The following PRKDC variants were observed in gnomAD, a reference collection of about 807,000 sequenced individuals.
The protein encoded by PRKDC is DNA-dependent protein kinase catalytic subunit.
PRKDC carries 82 observed loss-of-function variants against 486.9 expected under a neutral mutation model. The observed-to-expected ratio is 0.17, with a 90% CI of 0.14 to 0.20. The LOEUF (loss-of-function observed/expected upper bound fraction) is 0.20. PRKDC is among the 10% of genes least tolerant of loss of function. The probability of loss-of-function intolerance (pLI) is 1.00; values close to 1 mark genes in which losing one functional copy is unlikely to be tolerated. For missense variants in PRKDC, 4,504 were observed against 5,038.2 expected (o/e 0.89, Z 3.21); for synonymous variants, 1,895 against 1,837.0 (o/e 1.03, Z -0.81).
chr8:47,863,471 T>A lies in PRKDC; in HGVS notation c.5678A>T (p.Glu1893Val). Residue 1893 changes from glutamate to valine, a missense_variant, in exon 42 of 86, where the codon GAA (glutamate) becomes GTA (valine). Physicochemically the swap from Glu to Val is moderately radical, Grantham distance 121. Coordinates refer to ENST00000314191, the MANE Select transcript of PRKDC (RefSeq NM_006904.7). ...ATGGAAAACTTGATTAATTTTTGAT[T>A]CCTTAGCATGAACATCATCTTTGGG... ...RLPKDDVHAK[E>V]SKINQVFHGS... The A allele has an allele frequency of 1.2e-6, 2 of 1,612,510 alleles. No individual in the cohort carries two copies. Among genetic ancestry groups the A allele is most frequent in the Non-Finnish European group, 1.7e-6 (2 of 1,179,066 alleles).
chr8:47,907,441 A>G (rs1294851751), intron 25 of PRKDC, among the ~76,000 whole-genome samples: 1 of 150,712 alleles, frequency 6.6e-6, no homozygotes, highest in African/African-American at 2.5e-5. Context: ...CACACACAAT[A>G]CAGACATACC....
chr8:47,944,069 C>T (rs1380655838), intron 7 of PRKDC, 40 bp from the exon 8 acceptor site: 26 of 1,478,198 alleles, frequency 1.8e-5, no homozygotes, highest in Non-Finnish European at 2.4e-5. Context: ...ATCGTAATAA[C>T]AGTATCACAT....
At chr8:47,873,103 G>T (rs1033839097) in intron 40 of PRKDC, among the ~76,000 whole-genome samples, 3 of 151,924 alleles carry the variant, frequency 2.0e-5, no homozygotes, top group Non-Finnish European at 2.9e-5. Flanking sequence ...GATATAAATT[G>T]TACAGCCAGT....
chr8:47,859,046 G>A (rs1266171303), intron 46 of PRKDC, 60 bp from the exon 47 acceptor site: 20 of 1,578,340 alleles, frequency 1.3e-5, no homozygotes, highest in Non-Finnish European at 1.7e-5. Flanking sequence ...GGACAAGGCA[G>A]TGGATGTGGG....
At chr8:47,848,935 G>A (rs1007650743) in intron 54 of PRKDC, among the ~76,000 whole-genome samples, 6 of 152,202 alleles carry the variant, frequency 3.9e-5, no homozygotes, top group Non-Finnish European at 7.3e-5. Context: ...CACGCCCTGG[G>A]ATGTGGCTCC....
intron 4 of PRKDC, 32 bp from the exon 5 acceptor site, chr8:47,954,478 G>A: frequency 1.1e-6 from 1 of 874,204 alleles, no homozygotes; most frequent in Admixed American, 3.4e-5. Context: ...CATCAATGTA[G>A]TGCGGGAATC....
chr8:47,820,719 C>T lies in PRKDC; in HGVS notation c.9336G>A (p.Gln3112=). ...ATATATATATAATATATAGTATTAC[C>T]TGCATAAAACTCTGAATGCCATTTT... ...YIQNGIQSFM[Q]NYSSIDVLLH... Residue 3112 remains glutamine, a splice_region_variant and synonymous_variant, in exon 66 of 86, where the codon CAG becomes CAA. Coordinates refer to ENST00000314191, the MANE Select transcript of PRKDC (RefSeq NM_006904.7). The T allele has an allele frequency of 3.3e-6, 5 of 1,500,644 alleles. No individual in the cohort carries two copies. Among genetic ancestry groups the T allele is most frequent in the Non-Finnish European group, 3.6e-6 (4 of 1,109,434 alleles). 93.0% of individuals were successfully genotyped at this position (1,500,644 alleles called of 1,614,324 possible).
intron 80 of PRKDC, 32 bp from the exon 81 acceptor site, chr8:47,779,125 G>C: frequency 1.4e-6 from 2 of 1,479,624 alleles, no homozygotes; most frequent in Non-Finnish European, 1.8e-6. Context: ...ATTGGAATTA[G>C]GAAGATTTTA....
intron 27 of PRKDC, among the ~76,000 whole-genome samples, chr8:47,902,366 T>A (rs1241278290): frequency 6.6e-6 from 1 of 152,238 alleles, no homozygotes; most frequent in African/African-American, 2.4e-5. Flanking sequence ...AGACAGTGTT[T>A]ACATGCATTT....
chr8:47,836,020 A>G (rs1436592569), intron 58 of PRKDC, among the ~76,000 whole-genome samples: 1 of 152,126 alleles, frequency 6.6e-6, no homozygotes, highest in East Asian at 1.9e-4. Flanking sequence ...CTCCTGCCCC[A>G]GCTGGAATAA....
At chr8:47,878,233 G>C (rs1013111737) in intron 39 of PRKDC, among the ~76,000 whole-genome samples, 1 of 151,572 alleles carries the variant, frequency 6.6e-6, no homozygotes, top group Non-Finnish European at 1.5e-5. Flanking sequence ...AGCCTTCCGA[G>C]TAGCTGGGAC....
chr8:47,937,020 G>A (rs1318937029), intron 11 of PRKDC, among the ~76,000 whole-genome samples: 4 of 150,492 alleles, frequency 2.7e-5, no homozygotes, highest in African/African-American at 7.3e-5. Context: ...TTGGGAGGCC[G>A]AGGCGGGCAG....
Position 47,861,104 on chromosome 8 carries a change from A to G in PRKDC, c.5986-133T>C, listed in dbSNP as rs1366540310. On this transcript the variant is annotated intron_variant, in intron 44 of 85. Transcript: ENST00000314191. ...AACAAAACAAATTTAAAAGCACTCA[A>G]AAATAACCTCAAAAAGAGACTAGTG... 20 of 651,278 alleles carry G rather than the reference A, an allele frequency of 3.1e-5. No individual in the cohort carries two copies. The Admixed American group carries it at 6.6e-4, about 22-fold the overall frequency. 40.3% of individuals were successfully genotyped at this position (651,278 alleles called of 1,614,324 possible).
intron 39 of PRKDC, among the ~76,000 whole-genome samples, chr8:47,878,090 G>A (rs1321878699): frequency 6.8e-6 from 1 of 147,110 alleles, no homozygotes; most frequent in Non-Finnish European, 1.5e-5. Context: ...ATTCTTTCTA[G>A]GTTTTTTTTT....
intron 54 of PRKDC, among the ~76,000 whole-genome samples, chr8:47,842,590 A>G (rs1270529296): frequency 6.6e-6 from 1 of 152,060 alleles, no homozygotes; most frequent in Non-Finnish European, 1.5e-5. Context: ...AAAAGGTCCC[A>G]TCCAAGCAGA....
chr8:47,909,770 T>C (rs2089861837), intron 25 of PRKDC, among the ~76,000 whole-genome samples: 1 of 152,176 alleles, frequency 6.6e-6, no homozygotes, highest in African/African-American at 2.4e-5. Context: ...GCAGTTGAGA[T>C]AAGGACTGAA....
chr8:47,854,941 C>T (rs1453153564), intron 50 of PRKDC, among the ~76,000 whole-genome samples: 2 of 152,116 alleles, frequency 1.3e-5, no homozygotes, highest in African/African-American at 4.8e-5. Flanking sequence ...ACAAATCCTA[C>T]CTACCTCCCA....
rs185950559 is a variant in PRKDC at position 47,791,020 on chromosome 8, C to G, written c.10671-1782G>C. ...ACTGGTCTGGGCACAAAGATTTCTT[C>G]AGTAATACCCCACAGGCACATGCAA... On this transcript the variant is annotated intron_variant, in intron 74 of 85. Transcript: ENST00000314191. Among the ~76,000 whole-genome samples the G allele has an allele frequency of 4.0e-3, 608 of 152,284 alleles. 5 individuals carry two copies. Among genetic ancestry groups the G allele is most frequent in the South Asian group, 0.025 (121 of 4,832 alleles).
intron 7 of PRKDC, among the ~76,000 whole-genome samples, chr8:47,948,638 T>C (rs985147967): frequency 3.3e-5 from 5 of 151,830 alleles, no homozygotes; most frequent in Middle Eastern, 6.8e-3. Flanking sequence ...TTTTTGTATT[T>C]TTTAGTAGAG....
Sources: gnomAD v4.1 joint callset for allele counts (sites outside exome capture counted in the v4.1 genomes callset) on GRCh38, gnomAD v4.1.1 for gene constraint, MANE v1.5 for transcripts, NCBI Gene and HGNC (gene_info 2026-07-23, HGNC 2026-07-21) for gene names.